CDKAL1: variants seen among roughly 807,000 people sequenced by gnomAD.
CDKAL1 encodes CDKAL1 threonylcarbamoyladenosine tRNA methylthiotransferase, also known as threonylcarbamoyladenosine tRNA methylthiotransferase.
A neutral mutation model predicts 68.2 loss-of-function variants in CDKAL1; 32 were observed. The ratio of observed to expected loss-of-function variants is 0.47; its 90% CI spans 0.35 to 0.63. The LOEUF (loss-of-function observed/expected upper bound fraction) is 0.63, where lower values mean the gene tolerates loss of function less well. Ranked by LOEUF, CDKAL1 falls within the 30% of genes least tolerant of loss-of-function variation. The probability of loss-of-function intolerance (pLI) is 0.00; values close to 1 mark genes in which losing one functional copy is unlikely to be tolerated. For synonymous variants in CDKAL1, 234 were observed against 244.3 expected, an observed-to-expected ratio of 0.96 and a Z score of 0.39; for missense variants, 606 against 696.7, an observed-to-expected ratio of 0.87 and a Z score of 1.47.
intron 8 of CDKAL1, among the ~76,000 whole-genome samples, chr6:20,838,898 C>G (rs1778065044): frequency 6.6e-6 from 1 of 151,618 alleles, no homozygotes; most frequent in Admixed American, 6.6e-5. Context: ...TGGTGTGAAC[C>G]TGGGAGGCGG....
At chr6:20,957,173 C>A (rs1384054770) in intron 10 of CDKAL1, among the ~76,000 whole-genome samples, 1 of 152,042 alleles carries the variant, frequency 6.6e-6, no homozygotes, top group Non-Finnish European at 1.5e-5. Flanking sequence ...TGATAACAGC[C>A]ACTTTTTTTG....
chr6:20,597,844 C>CTCTA (rs1344216327), intron 4 of CDKAL1, among the ~76,000 whole-genome samples: 3 of 152,162 alleles, frequency 2.0e-5, no homozygotes, highest in Admixed American at 1.3e-4. Context: ...AAATTGATAT[C>CTCTA]TAGAGAGTTT....
At chr6:20,778,768 A>C (rs1775287328) in intron 7 of CDKAL1, among the ~76,000 whole-genome samples, 1 of 152,194 alleles carries the variant, frequency 6.6e-6, no homozygotes, top group Admixed American at 6.5e-5. Context: ...TGGCTCGTAC[A>C]GACAGTCAGG....
chr6:20,870,895 C>T (rs1760177406), intron 9 of CDKAL1, among the ~76,000 whole-genome samples: 1 of 152,112 alleles, frequency 6.6e-6, no homozygotes, highest in African/African-American at 2.4e-5. Flanking sequence ...TGCACATTTA[C>T]CAACAAAAGA....
intron 4 of CDKAL1, among the ~76,000 whole-genome samples, chr6:20,568,168 T>C (rs936095304): frequency 1.3e-5 from 2 of 151,994 alleles, no homozygotes; most frequent in African/African-American, 4.8e-5. Flanking sequence ...TGAGCCACCG[T>C]GCCCAGCACC....
chr6:20,852,237 C>T (rs1255983470), intron 9 of CDKAL1, among the ~76,000 whole-genome samples: 1 of 152,080 alleles, frequency 6.6e-6, no homozygotes, highest in Non-Finnish European at 1.5e-5. Flanking sequence ...ACTGTTGAGT[C>T]CTGGCTCTTC....
At chr6:20,697,087 T>C (rs1771140562) in intron 5 of CDKAL1, among the ~76,000 whole-genome samples, 1 of 152,164 alleles carries the variant, frequency 6.6e-6, no homozygotes, top group South Asian at 2.1e-4. Context: ...ATTAGAGAGA[T>C]GCAAAAGGAA....
intron 10 of CDKAL1, among the ~76,000 whole-genome samples, chr6:20,987,814 C>G (rs983926452): frequency 6.6e-6 from 1 of 151,986 alleles, no homozygotes; most frequent in Non-Finnish European, 1.5e-5. Flanking sequence ...GGGTCTTACT[C>G]TGTTGCCCAG....
intron 9 of CDKAL1, among the ~76,000 whole-genome samples, chr6:20,863,327 T>G (rs1442587748): frequency 2.0e-5 from 3 of 152,160 alleles, no homozygotes; most frequent in Non-Finnish European, 4.4e-5. Flanking sequence ...ACCACATAAT[T>G]TTTTCTTCAT....
chr6:20,822,551 T>C (rs1171304430), intron 8 of CDKAL1, among the ~76,000 whole-genome samples: 1 of 150,994 alleles, frequency 6.6e-6, no homozygotes, highest in Non-Finnish European at 1.5e-5. Context: ...GCGATAGGGT[T>C]AGGCTTTGTG....
At chr6:21,196,370 A>T (rs960150402) in intron 13 of CDKAL1, among the ~76,000 whole-genome samples, 6 of 152,178 alleles carry the variant, frequency 3.9e-5, no homozygotes, top group African/African-American at 1.2e-4. Flanking sequence ...CTTTTTGATA[A>T]ACAGAGCCAT....
chr6:20,561,074 A>G (rs1013044452), intron 4 of CDKAL1, among the ~76,000 whole-genome samples: 1 of 151,914 alleles, frequency 6.6e-6, no homozygotes, highest in African/African-American at 2.4e-5. Context: ...TTTCTTTTTT[A>G]TGATGTGTGA....
chr6:21,077,672 G>A (rs549770240), intron 12 of CDKAL1, among the ~76,000 whole-genome samples: 4 of 152,172 alleles, frequency 2.6e-5, no homozygotes, highest in African/African-American at 7.2e-5. Context: ...GAACTCGCTC[G>A]CTATCATGAG....
chr6:20,645,540 G>T (rs1768402788), intron 4 of CDKAL1, among the ~76,000 whole-genome samples: 1 of 151,820 alleles, frequency 6.6e-6, no homozygotes, highest in African/African-American at 2.4e-5. Context: ...GACCATCCTG[G>T]CCAACATGAT....
At chr6:21,183,249 T>A (rs1485294348) in intron 13 of CDKAL1, among the ~76,000 whole-genome samples, 1 of 152,138 alleles carries the variant, frequency 6.6e-6, no homozygotes, top group Non-Finnish European at 1.5e-5. Context: ...TAAATATGTT[T>A]AGTCTTACAT....
chr6:20,985,849 T>TG (rs1438310146), intron 10 of CDKAL1, among the ~76,000 whole-genome samples: 2 of 152,180 alleles, frequency 1.3e-5, no homozygotes, highest in Non-Finnish European at 2.9e-5. Context: ...TACAATGCAT[T>TG]TAAGAGGTGG....
chr6:20,869,216 T>C lies in CDKAL1; in HGVS notation c.742+23038T>C, dbSNP rs138723229. ...ATGTGAGATATATTAAAACAAATCA[T>C]CTAATTGATTTTCTTTTTAAGTAAA... On this transcript the variant is annotated intron_variant, in intron 9 of 15. Coordinates refer to ENST00000274695, the MANE Select transcript of CDKAL1 (RefSeq NM_017774.3). Among the ~76,000 whole-genome samples, 557 of 152,294 alleles carry C rather than the reference T, an allele frequency of 3.7e-3. 5 individuals carry two copies. Among genetic ancestry groups the C allele is most frequent in the African/African-American group, 0.012 (489 of 41,556 alleles).
At chr6:21,120,286 T>C (rs1447424464) in intron 13 of CDKAL1, among the ~76,000 whole-genome samples, 1 of 152,246 alleles carries the variant, frequency 6.6e-6, no homozygotes, top group African/African-American at 2.4e-5. Context: ...TACCATTCTT[T>C]GAATCTGGAT....
intron 6 of CDKAL1, among the ~76,000 whole-genome samples, chr6:20,745,416 C>T (rs943600821): frequency 4.6e-5 from 7 of 152,104 alleles, no homozygotes; most frequent in African/African-American, 1.7e-4. Context: ...TCCTGTTTGC[C>T]CCTACTTCGA....
Sources: gnomAD v4.1 joint callset for allele counts (sites outside exome capture counted in the v4.1 genomes callset) on GRCh38, gnomAD v4.1.1 for gene constraint, MANE v1.5 for transcripts, NCBI Gene and HGNC (gene_info 2026-07-23, HGNC 2026-07-21) for gene names.